RAC2: variants seen among roughly 807,000 people sequenced by gnomAD.
RAC2 encodes the protein Rac family small GTPase 2.
In RAC2, 1 loss-of-function variant was observed where a neutral mutation model predicts 24.0. The ratio of observed to expected loss-of-function variants is 0.04; its 90% CI spans 0.01 to 0.20. The LOEUF is 0.20. Among genes scored for constraint, RAC2 ranks in the 10% least tolerant of loss-of-function variants. The pLI is 1.00. For synonymous variants in RAC2, 114 were observed against 106.8 expected, an observed-to-expected ratio of 1.07 and a Z score of -0.41; for missense variants, 130 against 259.1, an observed-to-expected ratio of 0.50 and a Z score of 3.42.
In RAC2 at chr22:37,231,595, C is replaced by T. The variant is rs1037755359; in HGVS notation, c.289-205G>A. The T allele has an allele frequency of 3.9e-5, 24 of 608,004 alleles. No homozygotes were observed. Among genetic ancestry groups the T allele is most frequent in the Non-Finnish European group, 5.8e-5 (20 of 343,472 alleles). The allele number at this position is 608,004 out of a possible 1,614,324, so 37.7% of individuals were successfully genotyped here. On this transcript the variant is annotated intron_variant, in intron 4 of 6. Coordinates refer to ENST00000249071, the MANE Select transcript of RAC2 (RefSeq NM_002872.5). This position sits in a 1 kb window ranked among gnomAD's most constrained non-coding sequence, Gnocchi z 5.5. Reference sequence around the variant, plus strand: ...ACGACGTTGTGCAGGAAGGAGGGGGCGCATGATTGTAGGAAAGGAGGAGGC... The same window carrying T: ...ACGACGTTGTGCAGGAAGGAGGGGGTGCATGATTGTAGGAAAGGAGGAGGC...
chr22:37,243,174 T>A (rs528954820), intron 1 of RAC2, among the ~76,000 whole-genome samples: 14 of 152,206 alleles, frequency 9.2e-5, no homozygotes, highest in African/African-American at 3.1e-4. Context: ...CTTAAAAAAA[T>A]TTTTTTATAG....
At chr22:37,236,762 G>A (rs913124927) in intron 2 of RAC2, among the ~76,000 whole-genome samples, 7 of 152,192 alleles carry the variant, frequency 4.6e-5, no homozygotes, top group South Asian at 2.1e-4. Flanking sequence ...CACAGGGCAC[G>A]CATGGCTAGT....
intron 5 of RAC2, among the ~76,000 whole-genome samples, chr22:37,229,982 C>T (rs1927005060): frequency 6.6e-6 from 1 of 151,596 alleles, no homozygotes; most frequent in Admixed American, 6.5e-5. Context: ...AGAGCTGCAC[C>T]CTGAATAGAA....
intron 1 of RAC2, among the ~76,000 whole-genome samples, chr22:37,243,693 A>C (rs957389026): frequency 6.6e-6 from 1 of 152,184 alleles, no homozygotes. Flanking sequence ...GACTTGCCCA[A>C]GGCCACACAG....
chr22:37,233,282 G>T (rs11329932), intron 2 of RAC2, among the ~76,000 whole-genome samples: 35,765 of 115,608 alleles, frequency 0.31, 4,307 homozygotes, highest in African/African-American at 0.36. Flanking sequence ...GTTGTTTTTT[G>T]TTTGTTTGTT....
chr22:37,226,646 G>T (rs1926843257), intron 6 of RAC2, 25 bp downstream of exon 6: 2 of 1,611,336 alleles, frequency 1.2e-6, no homozygotes, highest in East Asian at 2.2e-5. Flanking sequence ...TATGGGAGTT[G>T]GGCACTAGAG....
chr22:37,240,794 G>A (rs1879267510), intron 2 of RAC2: 2 of 544,002 alleles, frequency 3.7e-6, no homozygotes, highest in African/African-American at 1.9e-5. Flanking sequence ...GCGCCTGGAG[G>A]CTTTAGACAG....
At chr22:37,233,728 G>A (rs1416233107) in intron 2 of RAC2, among the ~76,000 whole-genome samples, 2 of 152,190 alleles carry the variant, frequency 1.3e-5, no homozygotes, top group African/African-American at 4.8e-5. Context: ...AATAAAGGAG[G>A]GGACAGCAGC....
chr22:37,238,841 T>C (rs974030349), intron 2 of RAC2, among the ~76,000 whole-genome samples: 60 of 152,330 alleles, frequency 3.9e-4, no homozygotes, highest in African/African-American at 1.4e-3. Flanking sequence ...TGGCAACTGA[T>C]TGGCTGCTCA....
rs55644139 is a variant in RAC2, at chr22:37,235,318, A to G, written c.108-2400T>C. 9.1e-3 allele frequency among the ~76,000 whole-genome samples: 1,379 copies of G among 152,144 alleles called. 10 individuals are homozygous for G. Among genetic ancestry groups the G allele is most frequent in the Non-Finnish European group, 0.014 (969 of 67,978 alleles). On this transcript the variant is annotated intron_variant, in intron 2 of 6. Transcript: ENST00000249071. ...ACGGCCCTGTTCCCGCCTGTCTGGA[A>G]AGTGCCTGCAAACAGTGGCCCCTGA... is the stretch of plus-strand genomic sequence containing the variant.
At chr22:37,229,656 C>G (rs1926996917) in intron 5 of RAC2, among the ~76,000 whole-genome samples, 1 of 152,240 alleles carries the variant, frequency 6.6e-6, no homozygotes, top group African/African-American at 2.4e-5. Flanking sequence ...TAGGCCTAAG[C>G]TGGTCTGAGG....
chr22:37,240,940 T>C (rs1927369261), intron 2 of RAC2: 2 of 694,264 alleles, frequency 2.9e-6, no homozygotes, highest in East Asian at 2.7e-5. Context: ...TAATGGGTAA[T>C]AAGGCCAGGT....
At position 37,238,656 on chromosome 22, in the gene RAC2, T is replaced by C. The variant is rs575461593; in HGVS notation, c.107+2931A>G. 6.6e-5 allele frequency among the ~76,000 whole-genome samples: 10 copies of C among 152,358 alleles called. No homozygotes were observed. In the East Asian group the frequency reaches 1.9e-3, roughly 29 times the overall value. On this transcript the variant is annotated intron_variant, in intron 2 of 6. Coordinates refer to ENST00000249071, the MANE Select transcript of RAC2 (RefSeq NM_002872.5). ...ACACGAGGGCACTGTCTTCCTGCCATGTTTCTGTATCCCCAACACCTAGCA... is the reference window on the plus strand; with the variant it reads ...ACACGAGGGCACTGTCTTCCTGCCACGTTTCTGTATCCCCAACACCTAGCA...
chr22:37,226,413 C>T (rs1007007114), intron 6 of RAC2, among the ~76,000 whole-genome samples: 2 of 151,986 alleles, frequency 1.3e-5, no homozygotes, highest in African/African-American at 2.4e-5. Flanking sequence ...AGTGGGGCTC[C>T]GTGACACCCA....
Position 37,231,355 on chromosome 22 carries a change from T to C in RAC2, c.324A>G (p.Thr108=). 1 of 1,614,008 alleles carries C rather than the reference T, an allele frequency of 6.2e-7. No homozygotes were observed. The highest frequency in any genetic ancestry group is 8.5e-7 in the Non-Finnish European group (1 of 1,179,996). Residue 108 remains threonine, a synonymous_variant, in exon 5 of 7, where the codon ACA becomes ACG. Coordinates refer to ENST00000249071, the MANE Select transcript of RAC2 (RefSeq NM_002872.5). The surrounding 1 kb of genome is among the most constrained non-coding windows in gnomAD (Gnocchi z 5.5). ...FPEVRHHCPS[T]PIILVGTKLD... is the part of the protein sequence containing the mutation. ...GCTTGGTGCCCACCAGGATGATGGG[T>C]GTGCTGGGGCAGTGGTGCCGCACTT...
intron 5 of RAC2, among the ~76,000 whole-genome samples, chr22:37,227,787 G>C (rs1298673485): frequency 6.6e-6 from 1 of 151,660 alleles, no homozygotes; most frequent in African/African-American, 2.4e-5. Context: ...GTGTCACCAG[G>C]AGCAAGGAGT....
intron 2 of RAC2, 45 bp downstream of exon 2, chr22:37,241,542 G>C (rs373324269): frequency 3.7e-5 from 58 of 1,572,614 alleles, no homozygotes; most frequent in Non-Finnish European, 4.4e-6. Flanking sequence ...CTTGGTGACG[G>C]TCTCTCCCCT....
At chr22:37,235,626 T>C (rs977899272) in intron 2 of RAC2, among the ~76,000 whole-genome samples, 5 of 152,220 alleles carry the variant, frequency 3.3e-5, no homozygotes, top group Non-Finnish European at 5.9e-5. Context: ...GGGTACCACC[T>C]ACACTGCTGT....
Position 37,231,405 on chromosome 22 carries a change from G to A in RAC2, c.289-15C>T. 1 of 1,613,596 alleles carries A rather than the reference G, an allele frequency of 6.2e-7. No individual in the cohort carries two copies. The highest frequency in any genetic ancestry group is 8.5e-7 in the Non-Finnish European group (1 of 1,179,862). ...TCTGGGAACCACTGGGCAGGTGGGT[G>A]GGGGGACACAAGGTTGTATGGGTCA... On this transcript the variant is annotated splice_polypyrimidine_tract_variant and intron_variant, in intron 4 of 6. Coordinates refer to ENST00000249071, the MANE Select transcript of RAC2 (RefSeq NM_002872.5). The surrounding 1 kb of genome is among the most constrained non-coding windows in gnomAD (Gnocchi z 5.5).
Sources: allele counts gnomAD v4.1 joint callset (sites outside exome capture counted in the v4.1 genomes callset), GRCh38; gene constraint gnomAD v4.1.1; non-coding constraint Gnocchi (gnomAD v3.1); transcripts MANE v1.5; gene names NCBI Gene and HGNC (gene_info 2026-07-23, HGNC 2026-07-21).